Variants in TTC12 observed in about 807,000 individuals in gnomAD.
The protein encoded by TTC12 is tetratricopeptide repeat domain 12.
Under a neutral mutation model 90.1 loss-of-function variants are expected in TTC12, and 70 were observed. The observed-to-expected ratio is 0.78, with a 90% CI of 0.64 to 0.95. The LOEUF (loss-of-function observed/expected upper bound fraction) is 0.95, where lower values mean the gene tolerates loss of function less well. Ranked by LOEUF, TTC12 falls within the 40% of genes least tolerant of loss-of-function variation. The pLI, the probability that TTC12 is intolerant of heterozygous loss-of-function variation, is 0.00. For missense variants in TTC12, 819 were observed against 846.1 expected (o/e 0.97, Z 0.40); for synonymous variants, 296 against 311.5 (o/e 0.95, Z 0.53).
At chr11:113,358,935 A>G (rs1949769404) in intron 16 of TTC12, among the ~76,000 whole-genome samples, 1 of 151,994 alleles carries the variant, frequency 6.6e-6, no homozygotes, top group South Asian at 2.1e-4. Flanking sequence ...CTGCTTCTGC[A>G]TCTTCCCTTC....
At chr11:113,368,065 G>T (rs758166910), downstream of TTC12, 4 of 710,758 alleles carry the variant, frequency 5.6e-6, no homozygotes, top group East Asian at 6.5e-5. Flanking sequence ...TGAAGTTCAG[G>T]CCCCGCCTTC....
chr11:113,328,507 A>G (rs1947830522), intron 6 of TTC12, among the ~76,000 whole-genome samples: 1 of 152,124 alleles, frequency 6.6e-6, no homozygotes, highest in African/African-American at 2.4e-5. Context: ...ATTTGATACT[A>G]AGGCTTCATG....
chr11:113,341,912 G>A lies in TTC12; in HGVS notation c.972G>A (p.Val324=). Reference sequence around the variant, plus strand: ...CTGTTCTCAAGCTCTGGCAAGCAGTGTGCAGCAGGAACGGTAAGCCTGGGT... The same window carrying A: ...CTGTTCTCAAGCTCTGGCAAGCAGTATGCAGCAGGAACGGTAAGCCTGGGT... ...CVSVLKLWQA[V]CSRNEENQRV... The change falls in exon 12 of 22, where the codon GTG becomes GTA. Residue 324 remains valine, a synonymous_variant. Coordinates refer to ENST00000529221, the MANE Select transcript of TTC12 (RefSeq NM_017868.4). The A allele has an allele frequency of 6.2e-7, 1 of 1,614,042 alleles. No homozygotes were observed. Among genetic ancestry groups the A allele is most frequent in the Non-Finnish European group, 8.5e-7 (1 of 1,179,904 alleles).
downstream of TTC12, chr11:113,368,619 G>C (rs113370870): frequency 3.2e-6 from 3 of 937,268 alleles, no homozygotes; most frequent in African/African-American, 1.6e-5. Flanking sequence ...CATACATGAC[G>C]TGAGGACGGT....
chr11:113,362,912 T>C (rs1950013406), intron 19 of TTC12, among the ~76,000 whole-genome samples: 1 of 152,198 alleles, frequency 6.6e-6, no homozygotes, highest in African/African-American at 2.4e-5. Flanking sequence ...CTATGAGACA[T>C]GTAGCCTGCA....
intron 16 of TTC12, among the ~76,000 whole-genome samples, chr11:113,357,980 G>A (rs1949713751): frequency 6.6e-6 from 1 of 152,234 alleles, no homozygotes; most frequent in African/African-American, 2.4e-5. Context: ...CCCTGCGGGT[G>A]TTTGCCACAA....
chr11:113,334,110 C>T (rs1157490528), intron 7 of TTC12, among the ~76,000 whole-genome samples: 1 of 152,162 alleles, frequency 6.6e-6, no homozygotes, highest in Non-Finnish European at 1.5e-5. Context: ...AAGGATCCAC[C>T]CCGGGACATT....
intron 6 of TTC12, among the ~76,000 whole-genome samples, chr11:113,327,402 C>G (rs1555141367): frequency 6.7e-6 from 1 of 148,908 alleles, no homozygotes; most frequent in African/African-American, 2.5e-5. Flanking sequence ...CATGCAGTGT[C>G]AGAAAACACT....
chr11:113,328,144 T>A (rs1412059521), intron 6 of TTC12, among the ~76,000 whole-genome samples: 1 of 152,208 alleles, frequency 6.6e-6, no homozygotes, highest in African/African-American at 2.4e-5. Flanking sequence ...TATTGGTTGC[T>A]GATGGAACCC....
Position 113,359,377 on chromosome 11 carries a change from G to T in TTC12, c.1461G>T (p.Glu487Asp). ...GCLSLLARCE[E>D]DVDLFREVIY... Reference sequence around the variant, plus strand: ...TGTTTCCCAAGGCCAGGTGTGAGGAGGATGTGGACCTGTTCAGAGAGGTTA... The same window carrying T: ...TGTTTCCCAAGGCCAGGTGTGAGGATGATGTGGACCTGTTCAGAGAGGTTA... The change falls in exon 17 of 22, where the codon GAG (glutamate) becomes GAT (aspartate). Residue 487 changes from glutamate to aspartate, a missense_variant. Coordinates refer to ENST00000529221, the MANE Select transcript of TTC12 (RefSeq NM_017868.4). The T allele has an allele frequency of 6.2e-7, 1 of 1,608,804 alleles. No homozygotes were observed. The highest frequency in any genetic ancestry group is 8.5e-7 in the Non-Finnish European group (1 of 1,176,026).
intron 8 of TTC12, among the ~76,000 whole-genome samples, 181 bp from the exon 9 acceptor site, chr11:113,338,593 A>G (rs1456345546): frequency 3.3e-5 from 5 of 152,184 alleles, no homozygotes; most frequent in African/African-American, 1.2e-4. Context: ...GCCCCCTAGA[A>G]CTGGAGACGC....
downstream of TTC12, chr11:113,369,111 C>CTG (rs1225616833): frequency 6.5e-6 from 1 of 153,332 alleles, no homozygotes; most frequent in Non-Finnish European, 1.4e-5. Context: ...TAAAGCCTGC[C>CTG]TGTGCATTGT....
chr11:113,331,198 TTAAGTTA>T (rs1948040758), intron 7 of TTC12, among the ~76,000 whole-genome samples: 1 of 152,158 alleles, frequency 6.6e-6, no homozygotes, highest in African/African-American at 2.4e-5. Context: ...GGTATAGTCT[TTAAGTTA>T]TAAGAGTTGC....
At chr11:113,367,125 C>T (rs1487971088), downstream of TTC12, among the ~76,000 whole-genome samples, 1 of 152,236 alleles carries the variant, frequency 6.6e-6, no homozygotes. Context: ...CTGTGGACTG[C>T]AAGTCCCTAA....
intron 1 of TTC12, chr11:113,315,322 A>G (rs1591498343): frequency 6.6e-6 from 1 of 152,132 alleles, no homozygotes; most frequent in East Asian, 1.9e-4. Flanking sequence ...TGAGGCTCGG[A>G]GAGGTTGTGA....
intron 8 of TTC12, among the ~76,000 whole-genome samples, chr11:113,336,331 G>T (rs1948369270): frequency 6.6e-6 from 1 of 151,938 alleles, no homozygotes; most frequent in African/African-American, 2.4e-5. Context: ...TCCTTGTATT[G>T]CCTTTTCATT....
chr11:113,343,777 T>C (rs1205390457), intron 12 of TTC12, among the ~76,000 whole-genome samples: 1 of 152,224 alleles, frequency 6.6e-6, no homozygotes, highest in Non-Finnish European at 1.5e-5. Context: ...GCACACTTTA[T>C]TCGTTAGTGC....
chr11:113,316,516 GT>G (rs1288329017), intron 2 of TTC12, among the ~76,000 whole-genome samples: 3 of 152,230 alleles, frequency 2.0e-5, no homozygotes, highest in African/African-American at 7.2e-5. Flanking sequence ...CAGAGAAACT[GT>G]TAACATTCTG....
chr11:113,321,306 T>A (rs1555138353), intron 2 of TTC12, among the ~76,000 whole-genome samples: 1 of 152,166 alleles, frequency 6.6e-6, no homozygotes, highest in African/African-American at 2.4e-5. Context: ...GAGTAAAAAT[T>A]GGTACAGCCA....
Sources: gnomAD v4.1 joint callset for allele counts (sites outside exome capture counted in the v4.1 genomes callset) on GRCh38, gnomAD v4.1.1 for gene constraint, MANE v1.5 for transcripts, NCBI Gene and HGNC (gene_info 2026-07-23, HGNC 2026-07-21) for gene names.